Variants in CRYM observed in about 807,000 individuals in gnomAD.
The protein encoded by CRYM is ketimine reductase mu-crystallin.
A neutral mutation model predicts 32.9 loss-of-function variants in CRYM; 18 were observed. That is an observed-to-expected ratio of 0.55 (90% confidence interval 0.38 to 0.81). The LOEUF (loss-of-function observed/expected upper bound fraction) is 0.81. Among genes scored for constraint, CRYM ranks in the 30% least tolerant of loss-of-function variants. The pLI is 0.00. For synonymous variants in CRYM, 153 were observed against 152.4 expected (o/e 1.00, Z -0.03); for missense variants, 337 against 393.5 (o/e 0.86, Z 1.21).
chr16:21,273,845 T>A lies in CRYM; in HGVS notation c.387+1687A>T, dbSNP rs2093380856. On this transcript the variant is annotated intron_variant, in intron 3 of 7. Coordinates refer to ENST00000572914, the MANE Select transcript of CRYM (RefSeq NM_001376256.1). Reference sequence around the variant, plus strand: ...AATGACAGTAATACAAGATTCATTCTGTTCCCAAATTACCAGCAAACATAG... The same window carrying A: ...AATGACAGTAATACAAGATTCATTCAGTTCCCAAATTACCAGCAAACATAG... Among the ~76,000 whole-genome samples the A allele has an allele frequency of 1.3e-5, 2 of 152,258 alleles. 1 individual carries two copies. The highest frequency in any genetic ancestry group is 4.1e-4 in the South Asian group (2 of 4,834).
chr16:21,275,928 T>A (rs2093385274), intron 2 of CRYM, among the ~76,000 whole-genome samples: 1 of 152,176 alleles, frequency 6.6e-6, no homozygotes, highest in Non-Finnish European at 1.5e-5. Context: ...GCCCTAGGAT[T>A]CTCAAAACAC....
rs372122674 is a variant in CRYM at position 21,266,222 on chromosome 16, T to TCAAA, written c.673+1328_673+1331dup. 1.9e-3 allele frequency among the ~76,000 whole-genome samples: 294 copies of TCAAA among 151,964 alleles called. 2 individuals carry two copies. Among genetic ancestry groups the TCAAA allele is most frequent in the African/African-American group, 6.0e-3 (248 of 41,436 alleles). On this transcript the variant is annotated intron_variant, in intron 5 of 7. Transcript: ENST00000572914. ...CTGGGTGACAGAGTGAGACTCCATC[T>TCAAA]CAAACAAACAAACAAACAAACAAAC...
intron 3 of CRYM, among the ~76,000 whole-genome samples, chr16:21,273,932 G>A (rs1256102739): frequency 6.6e-6 from 1 of 152,162 alleles, no homozygotes; most frequent in Non-Finnish European, 1.5e-5. Context: ...CCAGTTCATT[G>A]AGGTGGGTGC....
upstream of CRYM, chr16:21,278,538 C>T (rs2152863456): frequency 1.3e-5 from 7 of 532,488 alleles, no homozygotes; most frequent in South Asian, 1.4e-4. Context: ...TTCTCAGTTC[C>T]TGTAATCAGC....
At chr16:21,296,885 T>C (rs1358983990) in intron 1 of CRYM, among the ~76,000 whole-genome samples, 1 of 151,768 alleles carries the variant, frequency 6.6e-6, no homozygotes, top group Non-Finnish European at 1.5e-5. Flanking sequence ...GGCAGACACT[T>C]GTAGTCCTAG....
At chr16:21,278,644 G>T (rs117578274), upstream of CRYM, 2,675 of 266,944 alleles carry the variant, frequency 0.01, 24 homozygotes, top group Non-Finnish European at 0.015. Context: ...GGAAAGAATG[G>T]ACAGGGAAAA....
intron 1 of CRYM, among the ~76,000 whole-genome samples, chr16:21,297,416 A>C (rs572322836): frequency 6.6e-6 from 1 of 152,288 alleles, no homozygotes; most frequent in East Asian, 1.9e-4. Flanking sequence ...AAGAGTCACA[A>C]AGACTCATGA....
In CRYM at chr16:21,277,642, A is replaced by G; in HGVS notation, c.171-58T>C. The stretch of plus-strand genomic sequence containing the variant: ...TCCCATCAATGCTGGGGTCTCTTAG[A>G]AAGTATCCATATACTTTCCTTTTTC... On this transcript the variant is annotated intron_variant, in intron 1 of 7. Coordinates refer to ENST00000572914, the MANE Select transcript of CRYM (RefSeq NM_001376256.1). This position sits in a 1 kb window ranked among gnomAD's most constrained non-coding sequence, Gnocchi z 4.2. The G allele has an allele frequency of 6.3e-7, 1 of 1,598,484 alleles. No individual in the cohort carries two copies. The highest frequency in any genetic ancestry group is 8.5e-7 in the Non-Finnish European group (1 of 1,170,898).
intron 4 of CRYM, among the ~76,000 whole-genome samples, chr16:21,268,231 A>G (rs1366439209): frequency 6.6e-6 from 1 of 152,188 alleles, no homozygotes; most frequent in Non-Finnish European, 1.5e-5. Flanking sequence ...AGGAGTTGTA[A>G]TGGGTGGGAG....
At chr16:21,270,440 C>A (rs996509967) in intron 3 of CRYM, among the ~76,000 whole-genome samples, 3 of 152,028 alleles carry the variant, frequency 2.0e-5, no homozygotes, top group Non-Finnish European at 4.4e-5. Flanking sequence ...TGCGCCACAA[C>A]ACCCAGCTAA....
In CRYM at chr16:21,265,961, C is replaced by T. The variant is rs555983376; in HGVS notation, c.673+1593G>A. Among the ~76,000 whole-genome samples, 12 of 152,272 alleles carry T rather than the reference C, an allele frequency of 7.9e-5. No homozygotes were observed. The East Asian group carries it at 1.4e-3, about 17-fold the overall frequency. ...ATTTTGGGCTTGGCACAGTGGCTCA[C>T]GCCTGTAATCCCAGCACTTTGGGAG... On this transcript the variant is annotated intron_variant, in intron 5 of 7. Transcript: ENST00000572914.
At chr16:21,284,356 C>T (rs1597625167) in intron 1 of CRYM, among the ~76,000 whole-genome samples, 1 of 151,990 alleles carries the variant, frequency 6.6e-6, no homozygotes. Flanking sequence ...CTTTTTTACC[C>T]TTCAAAGTGC....
At chr16:21,280,005 G>T (rs1315237380), upstream of CRYM, among the ~76,000 whole-genome samples, 2 of 152,156 alleles carry the variant, frequency 1.3e-5, no homozygotes, top group African/African-American at 4.8e-5. Context: ...GCCCAGAGCC[G>T]CTGGGCTTAT....
At chr16:21,299,231 C>T (rs183441803) in intron 1 of CRYM, among the ~76,000 whole-genome samples, 1 of 152,290 alleles carries the variant, frequency 6.6e-6, no homozygotes, top group East Asian at 1.9e-4. Context: ...GGGAGGAAAA[C>T]ATCCTGGTTC....
intron 1 of CRYM, among the ~76,000 whole-genome samples, chr16:21,285,780 C>A (rs2093406262): frequency 6.6e-6 from 1 of 152,108 alleles, no homozygotes; most frequent in East Asian, 1.9e-4. Context: ...TTCAAATTTG[C>A]CCACAAAGGT....
intron 5 of CRYM, among the ~76,000 whole-genome samples, chr16:21,266,085 C>T (rs2093363248): frequency 6.6e-6 from 1 of 152,062 alleles, no homozygotes; most frequent in African/African-American, 2.4e-5. Flanking sequence ...AATTAGCTGG[C>T]ATGGTGGCGT....
At chr16:21,268,401 G>A (rs1431156638) in intron 4 of CRYM, 1 of 152,604 alleles carries the variant, frequency 6.6e-6, no homozygotes, top group African/African-American at 2.4e-5. Flanking sequence ...AAAGGTGCTG[G>A]GGTTGGAGGG....
At chr16:21,295,477 A>G (rs1960770038) in intron 1 of CRYM, among the ~76,000 whole-genome samples, 1 of 152,110 alleles carries the variant, frequency 6.6e-6, no homozygotes, top group Admixed American at 6.5e-5. Flanking sequence ...TCTTCTTTTT[A>G]GAAGTGTCTG....
chr16:21,291,780 T>C (rs376070586), intron 1 of CRYM, among the ~76,000 whole-genome samples: 48 of 152,324 alleles, frequency 3.2e-4, no homozygotes, highest in African/African-American at 1.0e-3. Context: ...TTTCTTACTA[T>C]TGGGTTTTGA....
Sources: gnomAD v4.1 joint callset for allele counts (sites outside exome capture counted in the v4.1 genomes callset) on GRCh38, gnomAD v4.1.1 for gene constraint, Gnocchi (gnomAD v3.1) non-coding constraint, MANE v1.5 for transcripts, NCBI Gene and HGNC (gene_info 2026-07-23, HGNC 2026-07-21) for gene names.